The following KCNAB1 variants were observed in gnomAD, a reference collection of about 807,000 sequenced individuals.
KCNAB1 encodes potassium voltage-gated channel subfamily A regulatory beta subunit 1, also known as voltage-gated potassium channel subunit beta-1.
A neutral mutation model predicts 64.6 loss-of-function variants in KCNAB1; 35 were observed. That is an observed-to-expected ratio of 0.54 (90% CI 0.41 to 0.72). The LOEUF is 0.72. KCNAB1 is among the 30% of genes least tolerant of loss of function. The pLI, the probability that KCNAB1 is intolerant of heterozygous loss-of-function variation, is 0.00. For synonymous variants in KCNAB1, 177 were observed against 183.8 expected (o/e 0.96, Z 0.30); for missense variants, 401 against 512.9 (o/e 0.78, Z 2.11).
At chr3:156,199,796 C>T (rs1486143893) in intron 1 of KCNAB1, among the ~76,000 whole-genome samples, 4 of 152,130 alleles carry the variant, frequency 2.6e-5, no homozygotes, top group African/African-American at 9.7e-5. Flanking sequence ...TTGTTATTAC[C>T]CACCTTCTGA....
intron 1 of KCNAB1, among the ~76,000 whole-genome samples, chr3:156,186,420 T>TC (rs1713194976): frequency 6.6e-6 from 1 of 152,202 alleles, no homozygotes; most frequent in Non-Finnish European, 1.5e-5. Flanking sequence ...GACATCTCCC[T>TC]CCTAGGCTGT....
intron 3 of KCNAB1, chr3:156,457,243 C>T: frequency 7.4e-7 from 1 of 1,351,572 alleles, no homozygotes; most frequent in Non-Finnish European, 9.5e-7. Flanking sequence ...CTTCAAGTAA[C>T]CCCTCAGTGC....
intron 1 of KCNAB1, among the ~76,000 whole-genome samples, chr3:156,295,773 A>G (rs1429366785): frequency 6.6e-6 from 1 of 152,180 alleles, no homozygotes; most frequent in Non-Finnish European, 1.5e-5. Flanking sequence ...GTGATATTAT[A>G]TATTACATGC....
chr3:156,180,630 A>G (rs1712740379), intron 1 of KCNAB1, among the ~76,000 whole-genome samples: 1 of 152,242 alleles, frequency 6.6e-6, no homozygotes, highest in Admixed American at 6.5e-5. Context: ...AATACAATCC[A>G]ATAACTGCTT....
At chr3:156,145,941 A>G (rs1715011936) in intron 1 of KCNAB1, among the ~76,000 whole-genome samples, 3 of 152,180 alleles carry the variant, frequency 2.0e-5, no homozygotes, top group Admixed American at 2.0e-4. Flanking sequence ...AGTAGTTCAC[A>G]ATCTGTGTAG....
At chr3:156,210,936 A>G (rs1714967079) in intron 1 of KCNAB1, among the ~76,000 whole-genome samples, 1 of 152,232 alleles carries the variant, frequency 6.6e-6, no homozygotes, top group Non-Finnish European at 1.5e-5. Flanking sequence ...ATGATTTTCC[A>G]CAGGGTTTGG....
rs143020080 is a variant in KCNAB1 at position 156,337,445 on chromosome 3, T to A, written c.276-84171T>A. ...CTCCTCATTCCTTATTCTCTCATCC[T>A]TCCCTTTTCATTTTCCTTCTTCTTC... On this transcript the variant is annotated intron_variant, in intron 1 of 13. Coordinates refer to ENST00000490337, the MANE Select transcript of KCNAB1 (RefSeq NM_172160.3). 3.2e-3 allele frequency among the ~76,000 whole-genome samples: 480 copies of A among 152,316 alleles called. 3 individuals carry two copies. Among genetic ancestry groups the A allele is most frequent in the African/African-American group, 0.011 (466 of 41,572 alleles).
rs759940642 is a variant in KCNAB1, at chr3:156,516,384, G to A, written c.960+20G>A. ...CTGAAGGTATTTTTCTCAATGTCTAGAAAAAAGCCTGGGAGTAGGAAGGAG... is the reference window on the plus strand; with the variant it reads ...CTGAAGGTATTTTTCTCAATGTCTAAAAAAAAGCCTGGGAGTAGGAAGGAG... On this transcript the variant is annotated intron_variant, in intron 11 of 13. Coordinates refer to ENST00000490337, the MANE Select transcript of KCNAB1 (RefSeq NM_172160.3). 1.9e-6 allele frequency: 3 copies of A among 1,559,080 alleles called. No individual in the cohort carries two copies. Among genetic ancestry groups the A allele is most frequent in the East Asian group, 4.5e-5 (2 of 44,606 alleles).
intron 11 of KCNAB1, 127 bp from the exon 12 acceptor site, chr3:156,523,700 A>G: frequency 3.8e-6 from 3 of 786,130 alleles, no homozygotes; most frequent in Non-Finnish European, 6.3e-6. Flanking sequence ...CATCCCTGTC[A>G]GTGTGAAACA....
At position 156,515,102 on chromosome 3, in the gene KCNAB1, A is replaced by G. The variant is rs1269323250; in HGVS notation, c.747A>G (p.Glu249=). The change falls in exon 10 of 14, where the codon GAA becomes GAG. Residue 249 remains glutamate (E), a splice_region_variant and synonymous_variant. Transcript: ENST00000490337. ...TSRWSAMEIM[E]AYSVARQFNM... Reference sequence around the variant, plus strand: ...GTTGTAATCTCATTCCTCCCTAGGAAGCCTATTCTGTAGCAAGACAGTTCA... The same window carrying G: ...GTTGTAATCTCATTCCTCCCTAGGAGGCCTATTCTGTAGCAAGACAGTTCA... 1.9e-6 allele frequency: 3 copies of G among 1,604,656 alleles called. No homozygotes were observed. Among genetic ancestry groups the G allele is most frequent in the Non-Finnish European group, 2.5e-6 (3 of 1,176,516 alleles).
intron 1 of KCNAB1, among the ~76,000 whole-genome samples, chr3:156,218,326 G>T (rs1328987096): frequency 6.6e-6 from 1 of 152,166 alleles, no homozygotes; most frequent in African/African-American, 2.4e-5. Context: ...ATCCCCCACA[G>T]CAGCCACAGC....
intron 1 of KCNAB1, among the ~76,000 whole-genome samples, chr3:156,353,408 C>A (rs1208096208): frequency 6.6e-6 from 1 of 152,222 alleles, no homozygotes; most frequent in Non-Finnish European, 1.5e-5. Context: ...AGCTCACATT[C>A]AGACCAGTGA....
chr3:156,301,974 C>G (rs554496882), intron 1 of KCNAB1, among the ~76,000 whole-genome samples: 1 of 152,194 alleles, frequency 6.6e-6, no homozygotes, highest in African/African-American at 2.4e-5. Flanking sequence ...GTGTCTTAAA[C>G]TAACACAGAT....
intron 1 of KCNAB1, among the ~76,000 whole-genome samples, chr3:156,205,445 G>A (rs1398795195): frequency 6.6e-6 from 1 of 152,130 alleles, no homozygotes; most frequent in African/African-American, 2.4e-5. Flanking sequence ...GAATTTGATG[G>A]CGTTAATAAA....
intron 1 of KCNAB1, among the ~76,000 whole-genome samples, chr3:156,287,380 C>T (rs1298816441): frequency 1.3e-5 from 2 of 149,282 alleles, no homozygotes; most frequent in Non-Finnish European, 3.0e-5. Flanking sequence ...TACCCCAGGG[C>T]GTCCACAAAA....
Position 156,458,163 on chromosome 3 carries a change from G to A in KCNAB1, c.437+631G>A, listed in dbSNP as rs575971253. On this transcript the variant is annotated intron_variant, in intron 4 of 13. Transcript: ENST00000490337. ...TGCAGAGAGTCCTCGCTTCTTTTGT[G>A]AAAGGAGTCACATCCAACTGCAACC... is the stretch of plus-strand genomic sequence containing the variant. Among the ~76,000 whole-genome samples the A allele has an allele frequency of 1.2e-4, 19 of 152,348 alleles. 1 individual carries two copies. In the South Asian group the frequency reaches 3.9e-3, roughly 32 times the overall value.
At chr3:156,170,684 C>T (rs964544614) in intron 1 of KCNAB1, among the ~76,000 whole-genome samples, 1 of 152,130 alleles carries the variant, frequency 6.6e-6, no homozygotes, top group Admixed American at 6.5e-5. Context: ...CCTTGGTTTC[C>T]AACATGCTCC....
intron 11 of KCNAB1, among the ~76,000 whole-genome samples, chr3:156,521,106 TA>T (rs1267109186): frequency 6.6e-6 from 1 of 152,228 alleles, no homozygotes; most frequent in Non-Finnish European, 1.5e-5. Flanking sequence ...AATAGCCAAC[TA>T]ATCTGTAGAG....
At chr3:156,218,815 T>TAA (rs1481483023) in intron 1 of KCNAB1, among the ~76,000 whole-genome samples, 9 of 130,242 alleles carry the variant, frequency 6.9e-5, no homozygotes, top group Non-Finnish European at 8.2e-5. Flanking sequence ...AATAATAAAA[T>TAA]AAAATAAAAA....
Sources: allele counts gnomAD v4.1 joint callset (sites outside exome capture counted in the v4.1 genomes callset), GRCh38; gene constraint gnomAD v4.1.1; transcripts MANE v1.5; gene names NCBI Gene and HGNC (gene_info 2026-07-23, HGNC 2026-07-21).